Variants in MAD1L1 observed in about 807,000 individuals in gnomAD.
MAD1L1 encodes mitotic arrest deficient 1 like 1.
MAD1L1 carries 95 observed loss-of-function variants against 96.9 expected under a neutral mutation model. That is an observed-to-expected ratio of 0.98 (90% CI 0.83 to 1.16). MAD1L1 has a LOEUF of 1.16. Ranked by LOEUF, MAD1L1 falls within the 50% of genes most tolerant of loss-of-function variation. The pLI is 0.00. For synonymous variants in MAD1L1, 473 were observed against 396.6 expected, an observed-to-expected ratio of 1.19 and a Z score of -2.29; for missense variants, 1,007 against 954.4, an observed-to-expected ratio of 1.06 and a Z score of -0.73.
intron 18 of MAD1L1, among the ~76,000 whole-genome samples, chr7:1,822,018 C>T (rs1686320102): frequency 6.6e-6 from 1 of 152,064 alleles, no homozygotes. Flanking sequence ...CGTGGAAAAC[C>T]CTAAGCAATC....
At chr7:1,925,778 A>G (rs1221600329) in intron 17 of MAD1L1, among the ~76,000 whole-genome samples, 1 of 152,242 alleles carries the variant, frequency 6.6e-6, no homozygotes, top group African/African-American at 2.4e-5. Flanking sequence ...AAATGCTGCT[A>G]ATGCAGCACT....
At position 2,162,153 on chromosome 7, in the gene MAD1L1, G is replaced by T. The variant is rs1056611342; in HGVS notation, c.987-12915C>A. ...GCGGTTTTGTCGAATAGAAAAGGGG[G>T]AAATGTGGGGAAAAGAAAGAGAGAT... is the stretch of plus-strand genomic sequence containing the variant. On this transcript the variant is annotated intron_variant, in intron 10 of 18. Transcript: ENST00000265854. Among the ~76,000 whole-genome samples, 5 of 152,166 alleles carry T rather than the reference G, an allele frequency of 3.3e-5. 1 individual carries two copies. Among genetic ancestry groups the T allele is most frequent in the Non-Finnish European group, 7.3e-5 (5 of 68,036 alleles).
chr7:2,003,030 T>C (rs1226222450), intron 13 of MAD1L1, among the ~76,000 whole-genome samples: 3 of 150,924 alleles, frequency 2.0e-5, no homozygotes, highest in African/African-American at 7.2e-5. Context: ...CAGGGGGCCT[T>C]GTGAGACCCC....
At chr7:2,014,902 C>T (rs1339281573) in intron 12 of MAD1L1, among the ~76,000 whole-genome samples, 2 of 152,240 alleles carry the variant, frequency 1.3e-5, no homozygotes, top group African/African-American at 2.4e-5. Context: ...TTCACTACAG[C>T]GGGTGTGGGC....
intron 18 of MAD1L1, chr7:1,817,324 C>T (rs1234056646): frequency 1.3e-5 from 2 of 152,304 alleles, no homozygotes; most frequent in South Asian, 2.1e-4. Flanking sequence ...CGCCCGGGCG[C>T]GCAGCCAGGG....
intron 12 of MAD1L1, among the ~76,000 whole-genome samples, chr7:2,025,808 G>T (rs1233535387): frequency 1.3e-5 from 2 of 152,134 alleles, no homozygotes; most frequent in Non-Finnish European, 2.9e-5. Context: ...ATTAGACTTT[G>T]TTAAGTATAT....
At chr7:1,831,856 T>G (rs978134038) in intron 18 of MAD1L1, among the ~76,000 whole-genome samples, 13 of 152,244 alleles carry the variant, frequency 8.5e-5, no homozygotes. Flanking sequence ...AGCCCACTGT[T>G]GAGACCTCCT....
chr7:2,136,289 A>G (rs1028626749), intron 11 of MAD1L1, among the ~76,000 whole-genome samples: 1 of 152,222 alleles, frequency 6.6e-6, no homozygotes, highest in African/African-American at 2.4e-5. Flanking sequence ...GTGAGAGGGC[A>G]CAGGCTTAGG....
intron 12 of MAD1L1, among the ~76,000 whole-genome samples, chr7:2,041,364 A>G (rs1267647920): frequency 6.8e-6 from 1 of 147,772 alleles, no homozygotes; most frequent in Admixed American, 6.7e-5. Context: ...CCTGTCTCCT[A>G]GTCTGGGGCT....
chr7:2,181,883 C>T (rs370157040), intron 10 of MAD1L1, among the ~76,000 whole-genome samples: 4 of 151,998 alleles, frequency 2.6e-5, no homozygotes, highest in African/African-American at 7.2e-5. Flanking sequence ...TTTGCAGCAA[C>T]GTGGATGGAG....
intron 4 of MAD1L1, 80 bp downstream of exon 4, chr7:2,225,330 T>G: frequency 6.7e-7 from 1 of 1,494,562 alleles, no homozygotes; most frequent in South Asian, 1.2e-5. Context: ...ATGTGATTTC[T>G]TATAACCTGG....
At chr7:1,841,657 G>T (rs1343278645) in intron 18 of MAD1L1, among the ~76,000 whole-genome samples, 2 of 152,226 alleles carry the variant, frequency 1.3e-5, no homozygotes, top group Non-Finnish European at 2.9e-5. Flanking sequence ...GGCCGGTGGG[G>T]ACCCAAGGGG....
chr7:1,971,499 T>C (rs528336281), intron 15 of MAD1L1, among the ~76,000 whole-genome samples: 2 of 152,200 alleles, frequency 1.3e-5, no homozygotes, highest in Non-Finnish European at 2.9e-5. Context: ...TATGTTATAA[T>C]ATATAGTGGA....
rs577306612 is a variant in MAD1L1, at chr7:2,168,376, C to G, written c.987-19138G>C. Among the ~76,000 whole-genome samples, 376 of 152,288 alleles carry G rather than the reference C, an allele frequency of 2.5e-3. 1 individual carries two copies. Among genetic ancestry groups the G allele is most frequent in the African/African-American group, 8.6e-3 (358 of 41,558 alleles). ...GCAATGTGGGAACAAAGGACTTTAA[C>G]GAACAGAAACTCAGAAAAAGGTGCA... is the stretch of plus-strand genomic sequence containing the variant. On this transcript the variant is annotated intron_variant, in intron 10 of 18. Transcript: ENST00000265854.
At chr7:1,935,740 G>T (rs925648402) in intron 17 of MAD1L1, among the ~76,000 whole-genome samples, 4 of 152,308 alleles carry the variant, frequency 2.6e-5, no homozygotes, top group South Asian at 2.1e-4. Flanking sequence ...ACAGAAGAAG[G>T]TATCATCGGA....
intron 17 of MAD1L1, among the ~76,000 whole-genome samples, chr7:1,911,262 C>T (rs113150551): frequency 0.015 from 2,219 of 152,188 alleles, 48 homozygotes; most frequent in African/African-American, 0.05. Context: ...CACCTCTGCT[C>T]GGGGTCTTTC....
At chr7:2,060,738 G>A (rs2128523490) in intron 12 of MAD1L1, among the ~76,000 whole-genome samples, 1 of 152,330 alleles carries the variant, frequency 6.6e-6, no homozygotes, top group East Asian at 1.9e-4. Context: ...TGCAATAGAG[G>A]CTGCCAGATC....
At chr7:1,927,653 G>C (rs1226756903) in intron 17 of MAD1L1, among the ~76,000 whole-genome samples, 1 of 152,102 alleles carries the variant, frequency 6.6e-6, no homozygotes, top group East Asian at 1.9e-4. Context: ...AAGAAAAGTA[G>C]CTTGAACTCA....
intron 12 of MAD1L1, among the ~76,000 whole-genome samples, chr7:2,056,011 A>G (rs2128520368): frequency 6.6e-6 from 1 of 152,306 alleles, no homozygotes; most frequent in South Asian, 2.1e-4. Flanking sequence ...AAAAAACACA[A>G]ATCTAGCATC....
Sources: gnomAD v4.1 joint callset for allele counts (sites outside exome capture counted in the v4.1 genomes callset) on GRCh38, gnomAD v4.1.1 for gene constraint, MANE v1.5 for transcripts, NCBI Gene and HGNC (gene_info 2026-07-23, HGNC 2026-07-21) for gene names.